KIF13B: variants seen among roughly 807,000 people sequenced by gnomAD.
KIF13B encodes kinesin family member 13B.
Under a neutral mutation model 222.0 loss-of-function variants are expected in KIF13B, and 127 were observed. The ratio of observed to expected loss-of-function variants is 0.57; its 90% CI spans 0.50 to 0.66. The LOEUF (loss-of-function observed/expected upper bound fraction) is 0.66, where lower values mean the gene tolerates loss of function less well. KIF13B is among the 30% of genes least tolerant of loss of function. KIF13B has a pLI of 0.00. For missense variants in KIF13B, 2,173 were observed against 2,379.0 expected, an observed-to-expected ratio of 0.91 and a Z score of 1.80; for synonymous variants, 976 against 919.0, an observed-to-expected ratio of 1.06 and a Z score of -1.12.
At chr8:29,135,440 A>G (rs1810514004) in intron 21 of KIF13B, among the ~76,000 whole-genome samples, 1 of 152,218 alleles carries the variant, frequency 6.6e-6, no homozygotes, top group Non-Finnish European at 1.5e-5. Context: ...TCGTTAAGCT[A>G]AGTTCTGACT....
intron 13 of KIF13B, among the ~76,000 whole-genome samples, chr8:29,159,653 G>C (rs1353615058): frequency 6.6e-6 from 1 of 152,074 alleles, no homozygotes; most frequent in Non-Finnish European, 1.5e-5. Flanking sequence ...AGACTAGAGG[G>C]GGCAAAGGGC....
chr8:29,071,260 G>GTCT lies in KIF13B; in HGVS notation c.5218+359_5218+360insAGA, dbSNP rs1437885767. ...GCGAGATGTGTCCGGATGGGGTGAG[G>GTCT]AAGAGCCTCCTGGAACGGCAAAGGG... On this transcript the variant is annotated intron_variant, in intron 39 of 39. Transcript: ENST00000524189. This position sits in a 1 kb window ranked among gnomAD's most constrained non-coding sequence, Gnocchi z 4.9. 5.3e-5 allele frequency among the ~76,000 whole-genome samples: 8 copies of GTCT among 152,294 alleles called. No individual in the cohort carries two copies. The highest frequency in any genetic ancestry group is 5.2e-4 in the Admixed American group (8 of 15,308).
chr8:29,181,084 A>G (rs907426097), intron 7 of KIF13B, among the ~76,000 whole-genome samples: 5 of 152,248 alleles, frequency 3.3e-5, no homozygotes, highest in African/African-American at 1.2e-4. Flanking sequence ...TGGCCTCATG[A>G]CATTTTAGTG....
chr8:29,140,336 C>T, intron 20 of KIF13B, 132 bp downstream of exon 20: 7 of 1,380,582 alleles, frequency 5.1e-6, no homozygotes, highest in Non-Finnish European at 6.9e-6. Context: ...TTACTCTACC[C>T]TAAGAGTCCT....
intron 8 of KIF13B, among the ~76,000 whole-genome samples, chr8:29,179,830 C>T (rs755210963): frequency 7.2e-5 from 11 of 152,142 alleles, no homozygotes; most frequent in South Asian, 2.1e-4. Context: ...GTCACCACCC[C>T]GGGAGCCAGA....
chr8:29,196,868 G>A (rs990557667), intron 2 of KIF13B, among the ~76,000 whole-genome samples: 1 of 152,044 alleles, frequency 6.6e-6, no homozygotes, highest in African/African-American at 2.4e-5. Context: ...GTGTTACGTG[G>A]GTACTCAAAA....
chr8:29,076,875 T>G (rs1393347596), intron 37 of KIF13B, among the ~76,000 whole-genome samples: 1 of 152,096 alleles, frequency 6.6e-6, no homozygotes, highest in African/African-American at 2.4e-5. Context: ...CTCAGGAGGC[T>G]GAGGCAGGAG....
At chr8:29,085,705 CTTTTTT>C (rs71222589) in intron 37 of KIF13B, among the ~76,000 whole-genome samples, 6 of 48,766 alleles carry the variant, frequency 1.2e-4, no homozygotes, top group African/African-American at 3.1e-4. Context: ...AAATACTCTT[CTTTTTT>C]TTTTTTTTTT....
Position 29,198,611 on chromosome 8 carries a change from C to T in KIF13B, c.150-2412G>A, listed in dbSNP as rs139116800. 5.7e-3 allele frequency among the ~76,000 whole-genome samples: 865 copies of T among 152,276 alleles called. 10 individuals are homozygous for T. Among genetic ancestry groups the T allele is most frequent in the Non-Finnish European group, 8.4e-3 (569 of 68,024 alleles). Reference sequence around the variant, plus strand: ...GTGCTGGGATTGCAGGCATCAGCCACGGCACCCAGGCAGAGATTTCTTAAG... The same window carrying T: ...GTGCTGGGATTGCAGGCATCAGCCATGGCACCCAGGCAGAGATTTCTTAAG... On this transcript the variant is annotated intron_variant, in intron 2 of 39. Transcript: ENST00000524189.
intron 2 of KIF13B, among the ~76,000 whole-genome samples, chr8:29,210,052 T>C (rs1204307270): frequency 2.7e-5 from 4 of 148,010 alleles, no homozygotes; most frequent in Non-Finnish European, 5.9e-5. Flanking sequence ...CCAGACCCTG[T>C]CTCAGAGAGA....
chr8:29,181,883 C>T (rs1479398491), intron 7 of KIF13B, 36 bp downstream of exon 7: 1 of 1,504,446 alleles, frequency 6.6e-7, no homozygotes. Flanking sequence ...CCCTACTACA[C>T]TAAATTTAAA....
intron 2 of KIF13B, among the ~76,000 whole-genome samples, chr8:29,230,878 T>A (rs777044050): frequency 1.2e-4 from 18 of 152,082 alleles, no homozygotes; most frequent in Non-Finnish European, 2.5e-4. Context: ...AATATTTTGT[T>A]TTTTGTTTTT....
chr8:29,127,338 C>G (rs1810158683), intron 24 of KIF13B, 70 bp from the exon 25 acceptor site: 1 of 1,345,446 alleles, frequency 7.4e-7, no homozygotes, highest in African/African-American at 1.4e-5. Flanking sequence ...TAGAGAGACC[C>G]CTACAGGCTG....
At position 29,148,719 on chromosome 8, in the gene KIF13B, G is replaced by T; in HGVS notation, c.1671C>A (p.Asp557Glu). The T allele has an allele frequency of 6.2e-7, 1 of 1,607,824 alleles. No homozygotes were observed. Among genetic ancestry groups the T allele is most frequent in the Non-Finnish European group, 8.5e-7 (1 of 1,177,272 alleles). The change falls in exon 16 of 40, where the codon GAC (aspartate) becomes GAA (glutamate). Residue 557 changes from aspartate (D) to glutamate (E), a missense_variant. Asp to Glu is a conservative substitution (Grantham distance 45). This residue lies in a region of KIF13B where 1,480 missense variants were observed against 1,722.8 expected (regional missense o/e 0.86). Transcript: ENST00000524189. ...TCTCGTTCTTCATGGAGGGATCCTG[G>T]TCCTCATCCTCTCGTTCTGCTTTCT... ...KKKKAEREDE[D>E]QDPSMKNENS...
Position 29,130,556 on chromosome 8 carries a change from C to T in KIF13B, c.3052G>A (p.Gly1018Arg), listed in dbSNP as rs1810298650. 2 of 1,613,722 alleles carry T rather than the reference C, an allele frequency of 1.2e-6. No homozygotes were observed. The highest frequency in any genetic ancestry group is 1.7e-6 in the Non-Finnish European group (2 of 1,179,784). Residue 1018 changes from glycine (G) to arginine (R), a missense_variant, in exon 24 of 40, where the codon GGA becomes AGA. Physicochemically the swap from Gly to Arg is moderately radical, Grantham distance 125. Coordinates refer to ENST00000524189, the MANE Select transcript of KIF13B (RefSeq NM_015254.4). Reference sequence around the variant, plus strand: ...ACCTGCCGGAGCTGGAAGATTCCTCCTGTTGGGACATCCTTTGCAGAAATC... The same window carrying T: ...ACCTGCCGGAGCTGGAAGATTCCTCTTGTTGGGACATCCTTTGCAGAAATC... ...EVISAKDVPT[G>R]GIFQLRQGQS...
At position 29,224,335 on chromosome 8, in the gene KIF13B, T is replaced by C. The variant is rs148404849; in HGVS notation, c.149+21011A>G. ...TCTTAAACATCAATACTGGGCTTTTTCCCTAAGTATTTAATAAAAGAAGAG... is the reference window on the plus strand; with the variant it reads ...TCTTAAACATCAATACTGGGCTTTTCCCCTAAGTATTTAATAAAAGAAGAG... On this transcript the variant is annotated intron_variant, in intron 2 of 39. Coordinates refer to ENST00000524189, the MANE Select transcript of KIF13B (RefSeq NM_015254.4). 3.5e-3 allele frequency among the ~76,000 whole-genome samples: 528 copies of C among 152,292 alleles called. 7 individuals are homozygous for C. Among genetic ancestry groups the C allele is most frequent in the African/African-American group, 0.012 (504 of 41,552 alleles).
At chr8:29,086,628 C>A (rs1208378217) in intron 37 of KIF13B, among the ~76,000 whole-genome samples, 1 of 152,214 alleles carries the variant, frequency 6.6e-6, no homozygotes, top group African/African-American at 2.4e-5. Context: ...GCTTGGTTTC[C>A]ATGTCGATCC....
At chr8:29,086,904 G>C (rs1310124775) in intron 37 of KIF13B, among the ~76,000 whole-genome samples, 2 of 152,188 alleles carry the variant, frequency 1.3e-5, no homozygotes, top group Non-Finnish European at 2.9e-5. Context: ...TGCACTAACA[G>C]GCACTAGTAA....
intron 3 of KIF13B, 68 bp downstream of exon 3, chr8:29,196,119 C>G: frequency 7.7e-7 from 1 of 1,293,196 alleles, no homozygotes; most frequent in Non-Finnish European, 1.1e-6. Context: ...GAGAAGAAAA[C>G]TTCTAAGAGT....
Sources: gnomAD v4.1 joint callset for allele counts (sites outside exome capture counted in the v4.1 genomes callset) on GRCh38, gnomAD v4.1.1 for gene constraint, gnomAD v4.1.1 regional missense constraint, Gnocchi (gnomAD v3.1) non-coding constraint, MANE v1.5 for transcripts, NCBI Gene and HGNC (gene_info 2026-07-23, HGNC 2026-07-21) for gene names.